The following HRH4 variants were observed in gnomAD, a reference collection of about 807,000 sequenced individuals.
HRH4 encodes the protein histamine receptor H4, also known as histamine H4 receptor.
A neutral mutation model predicts 10.4 loss-of-function variants in HRH4; 12 were observed. That is an observed-to-expected ratio of 1.15 (90% confidence interval 0.74 to 1.87). HRH4 has a LOEUF of 1.87. Among genes scored for constraint, HRH4 ranks in the 40% most tolerant of loss-of-function variants. The pLI is 0.00. For missense variants in HRH4, 415 were observed against 453.3 expected (o/e 0.92, Z 0.77); for synonymous variants, 154 against 166.6 (o/e 0.92, Z 0.58).
chr18:24,466,257 C>T (rs1909772006), intron 1 of HRH4, among the ~76,000 whole-genome samples: 1 of 150,258 alleles, frequency 6.7e-6, no homozygotes, highest in African/African-American at 2.4e-5. Context: ...GAACTACAGG[C>T]TTGTGCCACC....
intron 2 of HRH4, among the ~76,000 whole-genome samples, chr18:24,469,593 G>A (rs1303965117): frequency 6.6e-6 from 1 of 152,168 alleles, no homozygotes; most frequent in Admixed American, 6.5e-5. Context: ...GGACAAGGGG[G>A]CCATAGAAAT....
rs763780845 is a variant in HRH4 at position 24,460,778 on chromosome 18, C to G, written c.50C>G (p.Thr17Ser). ...AATTTATCACTAAGCACTCGTGTTACTTTAGCATTTTTTATGTCCTTAGTA... is the reference window on the plus strand; with the variant it reads ...AATTTATCACTAAGCACTCGTGTTAGTTTAGCATTTTTTATGTCCTTAGTA... Reference protein sequence around the residue: ...TINLSLSTRVTLAFFMSLVAF... With the variant: ...TINLSLSTRVSLAFFMSLVAF... The change falls in exon 1 of 3, where the codon ACT (threonine) becomes AGT (serine). Residue 17 changes from threonine (T) to serine (S), a missense_variant. Thr to Ser is a moderately conservative substitution (Grantham distance 58, BLOSUM62 1). Transcript: ENST00000256906. The G allele has an allele frequency of 1.3e-6, 2 of 1,547,728 alleles. No individual in the cohort carries two copies. Among genetic ancestry groups the G allele is most frequent in the Admixed American group, 1.7e-5 (1 of 58,096 alleles).
intron 1 of HRH4, among the ~76,000 whole-genome samples, chr18:24,467,431 G>A (rs1350813485): frequency 6.6e-6 from 1 of 152,226 alleles, no homozygotes; most frequent in East Asian, 1.9e-4. Flanking sequence ...GGAAAGTGCA[G>A]AGGACAGAGG....
intron 2 of HRH4, among the ~76,000 whole-genome samples, chr18:24,476,497 C>T (rs986604908): frequency 4.6e-5 from 7 of 152,174 alleles, no homozygotes; most frequent in Non-Finnish European, 5.9e-5. Flanking sequence ...CTGGCCTTGA[C>T]ATTTTCTATA....
intron 1 of HRH4, 133 bp downstream of exon 1, chr18:24,461,054 A>C: frequency 1.6e-6 from 1 of 624,228 alleles, no homozygotes; most frequent in Non-Finnish European, 2.6e-6. Context: ...TTTAAGTATT[A>C]AATTTTGGAG....
Position 24,476,802 on chromosome 18 carries a change from C to T in HRH4, c.413C>T (p.Ala138Val), listed in dbSNP as rs11665084. 135,959 of 1,613,688 alleles carry T rather than the reference C, an allele frequency of 0.084. 6,329 individuals carry two copies. Among genetic ancestry groups the T allele is most frequent in the Admixed American group, 0.12 (7,244 of 60,012 alleles). The change falls in exon 3 of 3, where the codon GCC becomes GTC. Residue 138 changes from alanine to valine, a missense_variant. Physicochemically the swap from Ala to Val is moderately conservative, Grantham distance 64. Coordinates refer to ENST00000256906, the MANE Select transcript of HRH4 (RefSeq NM_021624.4). ...TTGAAGATTGTTACTCTGATGGTGG[C>T]CGTTTGGGTGCTGGCCTTCTTAGTG... ...GVLKIVTLMV[A>V]VWVLAFLVNG...
intron 2 of HRH4, among the ~76,000 whole-genome samples, chr18:24,475,930 C>T (rs1387675304): frequency 6.6e-6 from 1 of 152,098 alleles, no homozygotes; most frequent in Admixed American, 6.6e-5. Context: ...ATTGCTTGAA[C>T]GTGGGAAGCG....
intron 1 of HRH4, among the ~76,000 whole-genome samples, chr18:24,468,026 G>A (rs1280185777): frequency 6.6e-6 from 1 of 152,124 alleles, no homozygotes; most frequent in Admixed American, 6.6e-5. Flanking sequence ...TACAAGACCT[G>A]TACTTAATTT....
At chr18:24,467,771 T>C (rs905299703) in intron 1 of HRH4, among the ~76,000 whole-genome samples, 1 of 152,212 alleles carries the variant, frequency 6.6e-6, no homozygotes, top group Non-Finnish European at 1.5e-5. Flanking sequence ...CTTGAACTCC[T>C]GACCTCAGTT....
intron 2 of HRH4, among the ~76,000 whole-genome samples, chr18:24,469,575 T>A (rs1435452558): frequency 1.1e-4 from 17 of 152,146 alleles, no homozygotes; most frequent in Non-Finnish European, 1.5e-5. Flanking sequence ...AAAATAAAGT[T>A]GAAATAAGGA....
Position 24,475,547 on chromosome 18 carries a change from C to T in HRH4, c.358-1200C>T, listed in dbSNP as rs574931475. On this transcript the variant is annotated intron_variant, in intron 2 of 2. Transcript: ENST00000256906. ...GGCTGAAGCAGGAGGATCACTTGAG[C>T]CTAGGCAGTCAAGGCTGCAGTGAGC... 2.6e-5 allele frequency among the ~76,000 whole-genome samples: 4 copies of T among 152,172 alleles called. No individual in the cohort carries two copies. The South Asian group carries it at 8.3e-4, about 32-fold the overall frequency.
intron 2 of HRH4, among the ~76,000 whole-genome samples, chr18:24,473,652 C>T (rs1042524843): frequency 1.3e-5 from 2 of 152,296 alleles, no homozygotes; most frequent in South Asian, 2.1e-4. Context: ...TGGATTACAT[C>T]TGCAAACACC....
chr18:24,464,510 A>G (rs1399344426), intron 1 of HRH4, among the ~76,000 whole-genome samples: 1 of 152,174 alleles, frequency 6.6e-6, no homozygotes, highest in Non-Finnish European at 1.5e-5. Context: ...CATTCAGGCC[A>G]TAACACCCTC....
chr18:24,475,122 A>G (rs868702588), intron 2 of HRH4, among the ~76,000 whole-genome samples: 1 of 152,208 alleles, frequency 6.6e-6, no homozygotes, highest in African/African-American at 2.4e-5. Flanking sequence ...CAGGATTGAC[A>G]TAAGGATTGT....
intron 1 of HRH4, among the ~76,000 whole-genome samples, chr18:24,465,580 C>T (rs1399399360): frequency 3.3e-5 from 5 of 152,098 alleles, no homozygotes; most frequent in African/African-American, 1.2e-4. Flanking sequence ...AACACAATTC[C>T]AGAATCGAAG....
At position 24,477,472 on chromosome 18, in the gene HRH4, T is replaced by G. The variant is rs776574126; in HGVS notation, c.1083T>G (p.Cys361Trp). ...TCAATCCTCTTTTGTATCCATTGTG[T>G]CACAAGCGCTTTCAAAAGGCTTTCT... is the stretch of plus-strand genomic sequence containing the variant. ...SFVNPLLYPLCHKRFQKAFLK... is the reference protein window; with the variant it reads ...SFVNPLLYPLWHKRFQKAFLK... Residue 361 changes from cysteine to tryptophan, a missense_variant, in exon 3 of 3, where the codon TGT (cysteine) becomes TGG (tryptophan). Transcript: ENST00000256906. 5 of 1,612,754 alleles carry G rather than the reference T, an allele frequency of 3.1e-6. No homozygotes were observed. In the African/African-American group the frequency reaches 6.7e-5, roughly 22 times the overall value.
rs1006346906 is a variant in HRH4 at position 24,477,637 on chromosome 18, C to G, written c.*75C>G. On this transcript the variant is annotated 3_prime_UTR_variant, in exon 3 of 3. Transcript: ENST00000256906. The stretch of plus-strand genomic sequence containing the variant: ...AATCAGGTCTGCCCTTTATCTTGCC[C>G]TTTTCATTCTACCAACAGATCTGCA... 1.0e-6 allele frequency: 1 copy of G among 986,698 alleles called. No homozygotes were observed. The highest frequency in any genetic ancestry group is 1.6e-5 in the African/African-American group (1 of 61,588). The allele number at this position is 986,698 out of a possible 1,614,324, so 61.1% of individuals were successfully genotyped here. A position where few individuals can be genotyped will look rare whatever the true frequency, so the allele number is the denominator to read the frequency against.
rs182666551 is a variant in HRH4 at position 24,469,380 on chromosome 18, G to C, written c.357+429G>C. Among the ~76,000 whole-genome samples, 8 of 152,262 alleles carry C rather than the reference G, an allele frequency of 5.3e-5. No homozygotes were observed. The East Asian group carries it at 1.5e-3, about 29-fold the overall frequency. Reference sequence around the variant, plus strand: ...GAAAATCAATTCTGAATGGCCAAACGAAAAGACAGTATATAGGGAAGCTAC... The same window carrying C: ...GAAAATCAATTCTGAATGGCCAAACCAAAAGACAGTATATAGGGAAGCTAC... On this transcript the variant is annotated intron_variant, in intron 2 of 2. Coordinates refer to ENST00000256906, the MANE Select transcript of HRH4 (RefSeq NM_021624.4).
In HRH4 at chr18:24,460,837, A is replaced by G. The variant is rs749718845; in HGVS notation, c.109A>G (p.Ile37Val). 2 of 1,591,410 alleles carry G rather than the reference A, an allele frequency of 1.3e-6. No homozygotes were observed. The highest frequency in any genetic ancestry group is 2.2e-5 in the East Asian group (1 of 44,446). The stretch of plus-strand genomic sequence containing the variant: ...TATAATGCTAGGAAATGCTTTGGTC[A>G]TTTTAGCTTTTGTGGTGGACAAAAA... ...FAIMLGNALV[I>V]LAFVVDKNLR... is the part of the protein sequence containing the mutation. The change falls in exon 1 of 3, where the codon ATT becomes GTT. Residue 37 changes from isoleucine to valine, a missense_variant. Coordinates refer to ENST00000256906, the MANE Select transcript of HRH4 (RefSeq NM_021624.4).
Sources: allele counts gnomAD v4.1 joint callset (sites outside exome capture counted in the v4.1 genomes callset), GRCh38; gene constraint gnomAD v4.1.1; transcripts MANE v1.5; gene names NCBI Gene and HGNC (gene_info 2026-07-23, HGNC 2026-07-21).